The following SPOCK3 variants were observed in gnomAD, a reference collection of about 807,000 sequenced individuals.
SPOCK3 encodes the protein testican-3.
A neutral mutation model predicts 56.6 loss-of-function variants in SPOCK3; 30 were observed. The observed-to-expected ratio is 0.53, with a 90% CI of 0.40 to 0.72. The LOEUF is 0.72. Among genes scored for constraint, SPOCK3 ranks in the 30% least tolerant of loss-of-function variants. The pLI, the probability that SPOCK3 is intolerant of heterozygous loss-of-function variation, is 0.00. For synonymous variants in SPOCK3, 196 were observed against 183.3 expected (o/e 1.07, Z -0.56); for missense variants, 527 against 530.0 (o/e 0.99, Z 0.06).
intron 6 of SPOCK3, among the ~76,000 whole-genome samples, chr4:166,847,720 A>G (rs1270154647): frequency 7.6e-6 from 1 of 131,252 alleles, no homozygotes; most frequent in Admixed American, 8.0e-5. Context: ...TGCAATGACA[A>G]TTTTCAGGAT....
In SPOCK3 at chr4:166,938,119, T is replaced by A. The variant is rs114025427; in HGVS notation, c.351-25376A>T. Among the ~76,000 whole-genome samples the A allele has an allele frequency of 7.7e-3, 1,172 of 151,990 alleles. 12 individuals are homozygous for A. The highest frequency in any genetic ancestry group is 0.027 in the African/African-American group (1,103 of 41,456). ...GAGTTTGTATTTTTAAGCAGAACTT[T>A]TTTAACAGATGACTAGAAGTGATTT... On this transcript the variant is annotated intron_variant, in intron 4 of 10. Transcript: ENST00000357545.
chr4:166,994,665 A>G (rs1748167495), intron 4 of SPOCK3, among the ~76,000 whole-genome samples: 1 of 152,190 alleles, frequency 6.6e-6, no homozygotes, highest in Non-Finnish European at 1.5e-5. Flanking sequence ...TCAAAAATAA[A>G]GTCAATCCTG....
At chr4:166,813,299 C>A (rs1469693817) in intron 6 of SPOCK3, among the ~76,000 whole-genome samples, 1 of 151,920 alleles carries the variant, frequency 6.6e-6, no homozygotes, top group Non-Finnish European at 1.5e-5. Flanking sequence ...GCAGCGTATT[C>A]TCACATAACA....
intron 2 of SPOCK3, among the ~76,000 whole-genome samples, chr4:167,192,790 C>T (rs994200818): frequency 2.1e-5 from 3 of 145,418 alleles, no homozygotes; most frequent in Non-Finnish European, 4.5e-5. Context: ...ACTTTTGATA[C>T]GTTGTGTTTC....
intron 6 of SPOCK3, among the ~76,000 whole-genome samples, chr4:166,831,809 C>T (rs1003256679): frequency 3.4e-5 from 5 of 145,356 alleles, no homozygotes; most frequent in Admixed American, 2.8e-4. Context: ...TTAATATTCC[C>T]TACCCTCTGC....
chr4:167,191,020 T>C (rs1412058969), intron 2 of SPOCK3, among the ~76,000 whole-genome samples: 1 of 145,896 alleles, frequency 6.9e-6, no homozygotes, highest in Non-Finnish European at 1.5e-5. Flanking sequence ...TCGATTACTA[T>C]AGCTTTGCTT....
At chr4:167,215,584 C>T (rs1014090444) in intron 2 of SPOCK3, among the ~76,000 whole-genome samples, 4 of 151,998 alleles carry the variant, frequency 2.6e-5, no homozygotes, top group South Asian at 2.1e-4. Flanking sequence ...GTGAATGTGG[C>T]GTGAAGATAG....
intron 6 of SPOCK3, among the ~76,000 whole-genome samples, chr4:166,810,093 T>A (rs1743609848): frequency 6.6e-6 from 1 of 152,050 alleles, no homozygotes; most frequent in Admixed American, 6.6e-5. Flanking sequence ...TCTGCCAATA[T>A]CCAATCCAGA....
intron 2 of SPOCK3, among the ~76,000 whole-genome samples, chr4:167,109,007 TATATACTTATATAAAA>T (rs1760485676): frequency 1.1e-5 from 1 of 89,170 alleles, no homozygotes; most frequent in African/African-American, 5.1e-5. Flanking sequence ...TATATATAAA[TATATACTTATATAAAA>T]ATATATATAA....
Position 167,141,308 on chromosome 4 carries a change from G to A in SPOCK3, c.190-78771C>T, listed in dbSNP as rs117939393. Among the ~76,000 whole-genome samples the A allele has an allele frequency of 4.1e-4, 62 of 152,068 alleles. 1 individual carries two copies. In the East Asian group the frequency reaches 7.4e-3, roughly 18 times the overall value. ...AATTTTTCCAGACGTCCTAGTGCTC[G>A]TCTGTCACCAACAGGGTTGACTTGA... On this transcript the variant is annotated intron_variant, in intron 2 of 10. Coordinates refer to ENST00000357545, the MANE Select transcript of SPOCK3 (RefSeq NM_001040159.2).
At position 166,777,594 on chromosome 4, in the gene SPOCK3, T is replaced by A. The variant is rs1739705369; in HGVS notation, c.709+14576A>T. On this transcript the variant is annotated intron_variant, in intron 7 of 10. Transcript: ENST00000357545. ...ATGAAAAACAAGAAACTAAGCCAGTTGTGGTGGTATGCACCTACAGTCACA... is the reference window on the plus strand; with the variant it reads ...ATGAAAAACAAGAAACTAAGCCAGTAGTGGTGGTATGCACCTACAGTCACA... Among the ~76,000 whole-genome samples the A allele has an allele frequency of 5.9e-5, 9 of 152,156 alleles. No homozygotes were observed. In the South Asian group the frequency reaches 1.9e-3, roughly 32 times the overall value.
At chr4:167,040,505 A>G (rs756186662) in intron 3 of SPOCK3, among the ~76,000 whole-genome samples, 16 of 152,196 alleles carry the variant, frequency 1.1e-4, no homozygotes, top group Non-Finnish European at 2.2e-4. Flanking sequence ...ACTGCAAAAT[A>G]TTACAGAAGC....
intron 2 of SPOCK3, among the ~76,000 whole-genome samples, chr4:167,227,876 T>C (rs780645992): frequency 1.3e-5 from 2 of 152,158 alleles, no homozygotes; most frequent in Admixed American, 6.6e-5. Context: ...AAATGCTCTA[T>C]AGTGGTACAC....
At chr4:166,973,832 A>C (rs978589250) in intron 4 of SPOCK3, among the ~76,000 whole-genome samples, 12 of 152,300 alleles carry the variant, frequency 7.9e-5, no homozygotes, top group Non-Finnish European at 1.3e-4. Flanking sequence ...TAATTTTTTA[A>C]GGAAAATAAA....
chr4:167,153,328 A>G (rs553310694), intron 2 of SPOCK3, among the ~76,000 whole-genome samples: 1 of 152,344 alleles, frequency 6.6e-6, no homozygotes, highest in Non-Finnish European at 1.5e-5. Context: ...TGGGGTGCCC[A>G]TGGGACAGTA....
chr4:167,025,419 C>A (rs1751609296), intron 3 of SPOCK3, among the ~76,000 whole-genome samples: 1 of 151,850 alleles, frequency 6.6e-6, no homozygotes, highest in Non-Finnish European at 1.5e-5. Flanking sequence ...ATACCTGTGG[C>A]CTTAAATAAA....
intron 2 of SPOCK3, among the ~76,000 whole-genome samples, chr4:167,125,005 T>G (rs1762144062): frequency 1.3e-5 from 2 of 152,188 alleles, no homozygotes; most frequent in South Asian, 4.1e-4. Flanking sequence ...CTAAAGTCAC[T>G]ATCTTAGTGA....
In SPOCK3 at chr4:166,985,203, C is replaced by T. The variant is rs1030499684; in HGVS notation, c.350+15146G>A. On this transcript the variant is annotated intron_variant, in intron 4 of 10. Transcript: ENST00000357545. Reference sequence around the variant, plus strand: ...AGGGTACCTTTGGATTGTTTGAAACCAGAACCTAAGAAATCCTCCACAATG... The same window carrying T: ...AGGGTACCTTTGGATTGTTTGAAACTAGAACCTAAGAAATCCTCCACAATG... 1.3e-5 allele frequency among the ~76,000 whole-genome samples: 2 copies of T among 151,904 alleles called. 1 individual carries two copies. The highest frequency in any genetic ancestry group is 1.3e-4 in the Admixed American group (2 of 15,266).
At chr4:166,809,925 C>T (rs1001794364) in intron 6 of SPOCK3, among the ~76,000 whole-genome samples, 10 of 152,146 alleles carry the variant, frequency 6.6e-5, no homozygotes, top group South Asian at 2.1e-4. Flanking sequence ...AAAATTTCTT[C>T]GTACCATGAA....
Sources: gnomAD v4.1 joint callset for allele counts (sites outside exome capture counted in the v4.1 genomes callset) on GRCh38, gnomAD v4.1.1 for gene constraint, MANE v1.5 for transcripts, NCBI Gene and HGNC (gene_info 2026-07-23, HGNC 2026-07-21) for gene names.